RAB23: variants seen among roughly 807,000 people sequenced by gnomAD.
The protein encoded by RAB23 is ras-related protein Rab-23.
A neutral mutation model predicts 30.0 loss-of-function variants in RAB23; 15 were observed. The observed-to-expected ratio is 0.50, with a 90% CI of 0.33 to 0.77. The LOEUF is 0.77. RAB23 is among the 30% of genes least tolerant of loss of function. RAB23 has a pLI of 0.02. For missense variants in RAB23, 243 were observed against 275.4 expected (o/e 0.88, Z 0.83); for synonymous variants, 93 against 94.0 (o/e 0.99, Z 0.06).
At chr6:57,221,300 C>CT (rs1321563817) in intron 1 of RAB23, 3 of 152,198 alleles carry the variant, frequency 2.0e-5, no homozygotes, top group Admixed American at 6.5e-5. Flanking sequence ...TCACTAGCTC[C>CT]TGATAATGAA....
intron 1 of RAB23, among the ~76,000 whole-genome samples, chr6:57,219,719 G>C (rs1321195187): frequency 2.6e-5 from 4 of 152,190 alleles, no homozygotes. Context: ...AGAGAAGACA[G>C]TCTTTTCAAC....
At chr6:57,197,901 C>T (rs1436354233) in intron 3 of RAB23, among the ~76,000 whole-genome samples, 1 of 152,082 alleles carries the variant, frequency 6.6e-6, no homozygotes, top group Non-Finnish European at 1.5e-5. Context: ...TGCCATCATG[C>T]ACAGCTAATT....
chr6:57,203,798 C>T (rs1380322439), intron 3 of RAB23, among the ~76,000 whole-genome samples: 1 of 152,104 alleles, frequency 6.6e-6, no homozygotes, highest in African/African-American at 2.4e-5. Flanking sequence ...AATTCTCAAC[C>T]TTAGACCATG....
At chr6:57,198,494 A>G (rs1459942414) in intron 3 of RAB23, among the ~76,000 whole-genome samples, 1 of 152,116 alleles carries the variant, frequency 6.6e-6, no homozygotes, top group Non-Finnish European at 1.5e-5. Context: ...CAGCCTGGGC[A>G]ACATGGCAAA....
At chr6:57,217,225 A>C (rs1032976309) in intron 1 of RAB23, among the ~76,000 whole-genome samples, 11 of 152,282 alleles carry the variant, frequency 7.2e-5, no homozygotes, top group East Asian at 1.9e-4. Flanking sequence ...AAAAAAAAAA[A>C]AAACAAAATT....
At chr6:57,203,442 C>CA (rs1056585185) in intron 3 of RAB23, among the ~76,000 whole-genome samples, 67 of 151,830 alleles carry the variant, frequency 4.4e-4, no homozygotes, top group African/African-American at 1.6e-3. Context: ...TCTGTTTCCT[C>CA]AAAAAAAAGA....
At chr6:57,211,729 C>T (rs1220390509) in intron 1 of RAB23, among the ~76,000 whole-genome samples, 4 of 152,160 alleles carry the variant, frequency 2.6e-5, no homozygotes, top group African/African-American at 9.7e-5. Flanking sequence ...AGTTTTAAAC[C>T]TTTATAGTTA....
chr6:57,205,836 G>A (rs916556647), intron 3 of RAB23, among the ~76,000 whole-genome samples: 6 of 152,290 alleles, frequency 3.9e-5, no homozygotes, highest in Non-Finnish European at 8.8e-5. Flanking sequence ...AAAGTGATTT[G>A]GTAGTGGGAA....
intron 6 of RAB23, among the ~76,000 whole-genome samples, chr6:57,190,818 T>G (rs1764812470): frequency 6.6e-6 from 1 of 152,130 alleles, no homozygotes; most frequent in Non-Finnish European, 1.5e-5. Flanking sequence ...CCCCCGTCCA[T>G]CTCCATAACT....
chr6:57,200,605 A>C (rs1765218964), intron 3 of RAB23, among the ~76,000 whole-genome samples: 1 of 151,990 alleles, frequency 6.6e-6, no homozygotes, highest in South Asian at 2.1e-4. Flanking sequence ...TTCTCCTGCA[A>C]AAAGGTGCAG....
chr6:57,208,826 C>T (rs774552714), intron 2 of RAB23, among the ~76,000 whole-genome samples: 1 of 151,986 alleles, frequency 6.6e-6, no homozygotes, highest in Non-Finnish European at 1.5e-5. Flanking sequence ...TTTTTGAGAA[C>T]CCCTGGTTAC....
At chr6:57,206,494 A>C (rs1765459671) in intron 3 of RAB23, among the ~76,000 whole-genome samples, 1 of 152,198 alleles carries the variant, frequency 6.6e-6, no homozygotes. Context: ...ATTATGGAGA[A>C]GAAACTGAGT....
intron 1 of RAB23, among the ~76,000 whole-genome samples, chr6:57,213,988 C>A (rs1022826449): frequency 2.6e-5 from 4 of 152,116 alleles, no homozygotes; most frequent in African/African-American, 9.6e-5. Flanking sequence ...GGAGGACTTG[C>A]ATCCTCACTG....
Position 57,187,244 on chromosome 6 carries a change from G to A in RAB23, c.*3217C>T, listed in dbSNP as rs572544112. ...ACTAACATCCTACTGTAGATATTTC[G>A]AGAGACAGATGAAAATAATAATAAT... is the stretch of plus-strand genomic sequence containing the variant. On this transcript the variant is annotated 3_prime_UTR_variant, in exon 7 of 7. Coordinates refer to ENST00000468148, the MANE Select transcript of RAB23 (RefSeq NM_016277.5). 3.3e-5 allele frequency: 5 copies of A among 152,120 alleles called. No individual in the cohort carries two copies. Among genetic ancestry groups the A allele is most frequent in the East Asian group, 1.9e-4 (1 of 5,192 alleles). The allele number at this position is 152,120 out of a possible 1,614,324, so 9.4% of individuals were successfully genotyped here. A position where few individuals can be genotyped will look rare whatever the true frequency, so the allele number is the denominator to read the frequency against.
chr6:57,194,015 T>G lies in RAB23; in HGVS notation c.482-81A>C. The G allele has an allele frequency of 2.0e-6, 3 of 1,526,576 alleles. No individual in the cohort carries two copies. In the Admixed American group the frequency reaches 6.1e-5, roughly 31 times the overall value. 94.6% of individuals were successfully genotyped at this position (1,526,576 alleles called of 1,614,324 possible). A position where few individuals can be genotyped will look rare whatever the true frequency, so the allele number is the denominator to read the frequency against. On this transcript the variant is annotated intron_variant, in intron 5 of 6. Coordinates refer to ENST00000468148, the MANE Select transcript of RAB23 (RefSeq NM_016277.5). Reference sequence around the variant, plus strand: ...GTTATTTCACATCATTTGTAATATTTATACTTACTAAACAAATTTAAAGTT... The same window carrying G: ...GTTATTTCACATCATTTGTAATATTGATACTTACTAAACAAATTTAAAGTT...
chr6:57,207,777 G>A, intron 2 of RAB23, 64 bp from the exon 3 acceptor site: 2 of 1,105,946 alleles, frequency 1.8e-6, no homozygotes, highest in Non-Finnish European at 2.7e-6. Context: ...ATAGCTTTGT[G>A]TATATTTTTC....
intron 2 of RAB23, among the ~76,000 whole-genome samples, chr6:57,208,604 G>C (rs1765531251): frequency 7.5e-6 from 1 of 133,196 alleles, no homozygotes; most frequent in African/African-American, 2.9e-5. Context: ...TCCAGCCTGG[G>C]AGACAGAGTG....
intron 1 of RAB23, among the ~76,000 whole-genome samples, chr6:57,214,307 C>G (rs1765759292): frequency 6.6e-6 from 1 of 151,968 alleles, no homozygotes; most frequent in South Asian, 2.1e-4. Flanking sequence ...GGAGCTCTTC[C>G]CATTCTCAGT....
chr6:57,193,797 T>A (rs1029820547), intron 6 of RAB23, 45 bp downstream of exon 6: 1 of 1,601,958 alleles, frequency 6.2e-7, no homozygotes, highest in South Asian at 1.1e-5. Context: ...ATGTGTTTTT[T>A]AACTTTACCA....
Sources: allele counts gnomAD v4.1 joint callset (sites outside exome capture counted in the v4.1 genomes callset), GRCh38; gene constraint gnomAD v4.1.1; transcripts MANE v1.5; gene names NCBI Gene and HGNC (gene_info 2026-07-23, HGNC 2026-07-21).